CARMIL1: variants seen among roughly 807,000 people sequenced by gnomAD.
CARMIL1 encodes F-actin-uncapping protein LRRC16A.
CARMIL1 carries 90 observed loss-of-function variants against 177.1 expected under a neutral mutation model. That is an observed-to-expected ratio of 0.51 (90% CI 0.43 to 0.61). The LOEUF (loss-of-function observed/expected upper bound fraction) is 0.61. CARMIL1 is among the 20% of genes least tolerant of loss of function. The pLI is 0.00. For missense variants in CARMIL1, 1,380 were observed against 1,667.0 expected, an observed-to-expected ratio of 0.83 and a Z score of 3.00; for synonymous variants, 577 against 606.2, an observed-to-expected ratio of 0.95 and a Z score of 0.71.
intron 32 of CARMIL1, among the ~76,000 whole-genome samples, chr6:25,595,397 A>G (rs1814738410): frequency 6.6e-6 from 1 of 152,224 alleles, no homozygotes; most frequent in African/African-American, 2.4e-5. Flanking sequence ...CCTCGGCAGG[A>G]TGGTGAGGTG....
intron 2 of CARMIL1, among the ~76,000 whole-genome samples, chr6:25,406,176 G>A (rs563984350): frequency 3.1e-4 from 47 of 152,308 alleles, no homozygotes; most frequent in African/African-American, 4.6e-4. Flanking sequence ...GTGCAAATAC[G>A]GTGGGAGTAT....
At position 25,290,293 on chromosome 6, in the gene CARMIL1, C is replaced by G. The variant is rs116384950; in HGVS notation, c.138+5384C>G. Among the ~76,000 whole-genome samples, 313 of 152,064 alleles carry G rather than the reference C, an allele frequency of 2.1e-3. 1 individual carries two copies. Among genetic ancestry groups the G allele is most frequent in the African/African-American group, 7.0e-3 (291 of 41,486 alleles). On this transcript the variant is annotated intron_variant, in intron 2 of 36. Transcript: ENST00000329474. ...GTACTTTTTGTAGAGATGGGTTTCA[C>G]CACGTTGTCCAGCTGCTTCTTGAAC...
chr6:25,348,071 C>T (rs1787715985), intron 2 of CARMIL1, among the ~76,000 whole-genome samples: 1 of 152,182 alleles, frequency 6.6e-6, no homozygotes, highest in Non-Finnish European at 1.5e-5. Context: ...ATATAAACAA[C>T]AATTAAGTTC....
intron 5 of CARMIL1, among the ~76,000 whole-genome samples, chr6:25,437,644 G>A (rs902324460): frequency 1.4e-4 from 21 of 152,168 alleles, no homozygotes; most frequent in Admixed American, 1.3e-3. Context: ...CACTCAGTAT[G>A]TCCCACACTG....
rs183600493 is a variant in CARMIL1, at chr6:25,592,050, G to T, written c.3007-2365G>T. ...ACAAGTAAAACTTTGTTTTTTTTTT[G>T]TTTGTTTGTTTGTTTCAAAATGAAA... On this transcript the variant is annotated intron_variant, in intron 31 of 36. Coordinates refer to ENST00000329474, the MANE Select transcript of CARMIL1 (RefSeq NM_017640.6). Among the ~76,000 whole-genome samples the T allele has an allele frequency of 6.0e-3, 903 of 149,532 alleles. 21 individuals carry two copies. In the East Asian group the frequency reaches 0.066, roughly 11 times the overall value.
rs1261304723 is a variant in CARMIL1 at position 25,500,257 on chromosome 6, A to G, written c.1395+22A>G. 6 of 1,602,012 alleles carry G rather than the reference A, an allele frequency of 3.7e-6. No homozygotes were observed. The African/African-American group carries it at 4.0e-5, about 11-fold the overall frequency. Reference sequence around the variant, plus strand: ...TGAGGTAAGAACACCCTTAGATTGTATACTGGAATAGATAATAGCCTCAAC... The same window carrying G: ...TGAGGTAAGAACACCCTTAGATTGTGTACTGGAATAGATAATAGCCTCAAC... On this transcript the variant is annotated intron_variant, in intron 17 of 36. Coordinates refer to ENST00000329474, the MANE Select transcript of CARMIL1 (RefSeq NM_017640.6).
intron 2 of CARMIL1, among the ~76,000 whole-genome samples, chr6:25,362,504 G>T (rs567691159): frequency 1.9e-4 from 29 of 152,156 alleles, no homozygotes; most frequent in Non-Finnish European, 3.8e-4. Context: ...GTAAAACCCT[G>T]TCTCTACTAA....
At chr6:25,496,956 A>G (rs1274990343) in intron 16 of CARMIL1, among the ~76,000 whole-genome samples, 1 of 152,196 alleles carries the variant, frequency 6.6e-6, no homozygotes, top group African/African-American at 2.4e-5. Context: ...TGTTGCATAT[A>G]TACCTGTAAA....
chr6:25,397,972 A>C (rs1031907257), intron 2 of CARMIL1, among the ~76,000 whole-genome samples: 1 of 152,154 alleles, frequency 6.6e-6, no homozygotes. Context: ...AGATACTGAC[A>C]TCTTTTCTGG....
chr6:25,529,120 A>G (rs1314099903), intron 24 of CARMIL1, among the ~76,000 whole-genome samples: 2 of 152,218 alleles, frequency 1.3e-5, no homozygotes, highest in African/African-American at 2.4e-5. Context: ...TGCCAGTAAG[A>G]TAGGTTTCTA....
At chr6:25,582,811 G>A (rs1813251262) in intron 31 of CARMIL1, among the ~76,000 whole-genome samples, 2 of 152,120 alleles carry the variant, frequency 1.3e-5, no homozygotes, top group African/African-American at 4.8e-5. Flanking sequence ...GATCTATTTA[G>A]ACCTCTGGCC....
chr6:25,439,763 A>G (rs1182134995), intron 5 of CARMIL1, among the ~76,000 whole-genome samples: 1 of 152,206 alleles, frequency 6.6e-6, no homozygotes, highest in African/African-American at 2.4e-5. Context: ...AGAGAAGATC[A>G]GCTATTAAGG....
intron 2 of CARMIL1, among the ~76,000 whole-genome samples, chr6:25,325,557 A>T (rs1045041101): frequency 7.2e-5 from 11 of 152,236 alleles, no homozygotes; most frequent in African/African-American, 2.4e-4. Flanking sequence ...AATTATTCGA[A>T]CAATCTTAGA....
rs1435955703 is a variant in CARMIL1, at chr6:25,515,955, C to A, written c.1805+108C>A. 5 of 1,096,728 alleles carry A rather than the reference C, an allele frequency of 4.6e-6. No individual in the cohort carries two copies. The highest frequency in any genetic ancestry group is 6.4e-6 in the Non-Finnish European group (5 of 786,104). The allele number at this position is 1,096,728 out of a possible 1,614,324, so 67.9% of individuals were successfully genotyped here. A position where few individuals can be genotyped will look rare whatever the true frequency, so the allele number is the denominator to read the frequency against. Reference sequence around the variant, plus strand: ...GAGGGGACCTGGGCTTCCCATGAGGCCATCTTGAGGAGAAGAGGTGACAAT... The same window carrying A: ...GAGGGGACCTGGGCTTCCCATGAGGACATCTTGAGGAGAAGAGGTGACAAT... On this transcript the variant is annotated intron_variant, in intron 21 of 36. Coordinates refer to ENST00000329474, the MANE Select transcript of CARMIL1 (RefSeq NM_017640.6). This position sits in a 1 kb window ranked among gnomAD's most constrained non-coding sequence, Gnocchi z 5.0.
intron 2 of CARMIL1, among the ~76,000 whole-genome samples, chr6:25,370,411 C>A (rs558780117): frequency 1.3e-5 from 2 of 152,274 alleles, no homozygotes; most frequent in Admixed American, 6.5e-5. Flanking sequence ...AACAGAGCAA[C>A]CTTTCCATCA....
chr6:25,615,537 G>A (rs1372228537), intron 36 of CARMIL1, among the ~76,000 whole-genome samples: 1 of 152,018 alleles, frequency 6.6e-6, no homozygotes, highest in Non-Finnish European at 1.5e-5. Flanking sequence ...CGTTGTAATG[G>A]CTCCTGTTTG....
At chr6:25,290,530 G>T (rs1481558004) in intron 2 of CARMIL1, among the ~76,000 whole-genome samples, 1 of 151,766 alleles carries the variant, frequency 6.6e-6, no homozygotes, top group Non-Finnish European at 1.5e-5. Flanking sequence ...GCCTTAAAGT[G>T]TATGAAAAGT....
At chr6:25,300,769 G>A (rs903414564) in intron 2 of CARMIL1, among the ~76,000 whole-genome samples, 16 of 152,354 alleles carry the variant, frequency 1.1e-4, no homozygotes, top group African/African-American at 3.1e-4. Flanking sequence ...AGGTCATTTT[G>A]ATGCACACTG....
intron 16 of CARMIL1, among the ~76,000 whole-genome samples, chr6:25,495,903 T>C (rs899800845): frequency 2.0e-5 from 3 of 152,156 alleles, no homozygotes; most frequent in Admixed American, 1.3e-4. Context: ...TCTTTGAGTC[T>C]AAAGAAGGTA....
Sources: allele counts gnomAD v4.1 joint callset (sites outside exome capture counted in the v4.1 genomes callset), GRCh38; gene constraint gnomAD v4.1.1; non-coding constraint Gnocchi (gnomAD v3.1); transcripts MANE v1.5; gene names NCBI Gene and HGNC (gene_info 2026-07-23, HGNC 2026-07-21).